OR4N2: variants seen among roughly 807,000 people sequenced by gnomAD.
OR4N2 encodes olfactory receptor 4N2.
For missense variants in OR4N2, 307 were observed against 377.6 expected (o/e 0.81, Z 1.55); for synonymous variants, 141 against 140.4 (o/e 1.00, Z -0.03).
rs756847662 is a variant in OR4N2, at chr14:19,828,365, T to C, written c.917T>C (p.Ile306Thr). Residue 306 changes from isoleucine (I) to threonine (T), a missense_variant, in exon 2 of 2, where the codon ATA (isoleucine) becomes ACA (threonine). By Grantham distance (89) the Ile-to-Thr change is moderately conservative. Transcript: ENST00000557677. ...ATGAAAAAGGTGTTTAATAAGCACA[T>C]AGCCTGAAAAAGGGCGCAAAAAAAA... ...ASMKKVFNKH[I>T]A The C allele has an allele frequency of 1.3e-6, 2 of 1,593,888 alleles. No homozygotes were observed. Among genetic ancestry groups the C allele is most frequent in the South Asian group, 1.1e-5 (1 of 88,466 alleles).
intron 1 of OR4N2, among the ~76,000 whole-genome samples, chr14:19,816,545 G>A (rs1456057423): frequency 6.6e-6 from 1 of 152,232 alleles, no homozygotes; most frequent in Non-Finnish European, 1.5e-5. Context: ...CATTGATTTT[G>A]TATCCCGAGA....
intron 1 of OR4N2, among the ~76,000 whole-genome samples, chr14:19,811,891 A>G (rs1413547005): frequency 6.6e-6 from 1 of 152,278 alleles, no homozygotes; most frequent in Non-Finnish European, 1.5e-5. Context: ...ATTAGGAAGA[A>G]TGCAAGTATA....
Position 19,828,030 on chromosome 14 carries a change from G to A in OR4N2, c.582G>A (p.Val194=), listed in dbSNP as rs753296685. ...VIKLACTDTF[V]VELLMVFNSG... ...AGCTGGCCTGCACCGACACATTTGT[G>A]GTGGAGCTTCTGATGGTCTTCAACA... Residue 194 remains valine, a synonymous_variant, in exon 2 of 2, where the codon GTG becomes GTA. Coordinates refer to ENST00000557677, the MANE Select transcript of OR4N2 (RefSeq NM_001004723.3). 1.2e-5 allele frequency: 20 copies of A among 1,614,192 alleles called. No individual in the cohort carries two copies. The Admixed American group carries it at 3.2e-4, about 26-fold the overall frequency.
intron 1 of OR4N2, among the ~76,000 whole-genome samples, chr14:19,805,905 A>G (rs1435628842): frequency 2.0e-5 from 3 of 152,192 alleles, no homozygotes; most frequent in Non-Finnish European, 2.9e-5. Context: ...GCCAGAAAAA[A>G]TTGGGGGCCT....
intron 1 of OR4N2, among the ~76,000 whole-genome samples, chr14:19,814,365 A>G (rs1879375111): frequency 6.6e-6 from 1 of 152,142 alleles, no homozygotes; most frequent in African/African-American, 2.4e-5. Flanking sequence ...CCAAGAAACT[A>G]TTTTCTCTAA....
intron 1 of OR4N2, among the ~76,000 whole-genome samples, chr14:19,808,032 C>T (rs1232307186): frequency 3.3e-5 from 5 of 152,172 alleles, no homozygotes; most frequent in Admixed American, 1.3e-4. Context: ...TAACATCCAA[C>T]ATCCCTTCAT....
intron 1 of OR4N2, among the ~76,000 whole-genome samples, chr14:19,813,958 C>T (rs193273639): frequency 8.6e-5 from 13 of 151,618 alleles, no homozygotes; most frequent in Non-Finnish European, 1.5e-5. Context: ...ACTTCTCTCT[C>T]TCTCTTTTCT....
intron 1 of OR4N2, among the ~76,000 whole-genome samples, chr14:19,821,063 G>A (rs1300291859): frequency 6.6e-6 from 1 of 152,270 alleles, no homozygotes; most frequent in African/African-American, 2.4e-5. Context: ...GGTGGTGTAG[G>A]CACCTGAGGG....
Position 19,827,668 on chromosome 14 carries a change from T to C in OR4N2, c.220T>C (p.Ser74Pro). 6.2e-7 allele frequency: 1 copy of C among 1,614,242 alleles called. No individual in the cohort carries two copies. The highest frequency in any genetic ancestry group is 8.5e-7 in the Non-Finnish European group (1 of 1,180,026). The change falls in exon 2 of 2, where the codon TCC (serine) becomes CCC (proline). Residue 74 changes from serine to proline, a missense_variant. Ser to Pro is a moderately conservative substitution (Grantham distance 74). Coordinates refer to ENST00000557677, the MANE Select transcript of OR4N2 (RefSeq NM_001004723.3). ...GNLAFLDASY[S>P]FIVAPRMLVD... ...CTTGGCCTTCCTGGATGCATCCTAC[T>C]CCTTCATTGTGGCTCCCCGGATGTT...
chr14:19,823,238 C>T (rs1415747921), intron 1 of OR4N2, among the ~76,000 whole-genome samples: 6 of 152,158 alleles, frequency 3.9e-5, no homozygotes, highest in East Asian at 1.9e-4. Flanking sequence ...TATTACATCC[C>T]TATTTTTGAA....
At chr14:19,815,218 C>T (rs1879394546) in intron 1 of OR4N2, among the ~76,000 whole-genome samples, 1 of 152,234 alleles carries the variant, frequency 6.6e-6, no homozygotes, top group African/African-American at 2.4e-5. Context: ...AATGGTATTT[C>T]TGGTTCTACA....
chr14:19,827,201 T>C (rs1426674351), intron 1 of OR4N2, among the ~76,000 whole-genome samples: 2 of 152,276 alleles, frequency 1.3e-5, no homozygotes, highest in Non-Finnish European at 2.9e-5. Context: ...AATGATTCTG[T>C]AGAAGCACAT....
At chr14:19,815,657 T>TTTTTTTTTTTTG (rs1879407275) in intron 1 of OR4N2, among the ~76,000 whole-genome samples, 1 of 36,232 alleles carries the variant, frequency 2.8e-5, no homozygotes, top group African/African-American at 7.2e-5. Flanking sequence ...TTTTTTTTGT[T>TTTTTTTTTTTTG]TTTTTTTTTT....
chr14:19,811,587 G>A (rs1879298527), intron 1 of OR4N2, among the ~76,000 whole-genome samples: 1 of 152,236 alleles, frequency 6.6e-6, no homozygotes, highest in Non-Finnish European at 1.5e-5. Context: ...ATCCGAACAT[G>A]ACAATACATA....
chr14:19,825,842 G>T (rs1879683589), intron 1 of OR4N2, among the ~76,000 whole-genome samples: 1 of 152,328 alleles, frequency 6.6e-6, no homozygotes, highest in African/African-American at 2.4e-5. Context: ...ACAGGCATGA[G>T]TCATCGTGCC....
Position 19,829,734 on chromosome 14 carries a change from T to A in OR4N2, c.*1362T>A, listed in dbSNP as rs1378265297. Reference sequence around the variant, plus strand: ...CATTAAATGGGCAGCATCCAAAACATCTGGAACCCCAAATGCAAGGGGGTC... The same window carrying A: ...CATTAAATGGGCAGCATCCAAAACAACTGGAACCCCAAATGCAAGGGGGTC... On this transcript the variant is annotated 3_prime_UTR_variant, in exon 2 of 2. Coordinates refer to ENST00000557677, the MANE Select transcript of OR4N2 (RefSeq NM_001004723.3). The A allele has an allele frequency of 2.0e-5, 3 of 152,318 alleles. No homozygotes were observed. The highest frequency in any genetic ancestry group is 4.4e-5 in the Non-Finnish European group (3 of 68,034). The allele number at this position is 152,318 out of a possible 1,614,324, so 9.4% of individuals were successfully genotyped here.
intron 1 of OR4N2, among the ~76,000 whole-genome samples, chr14:19,811,842 A>G (rs1459569940): frequency 1.3e-5 from 2 of 152,260 alleles, no homozygotes; most frequent in Non-Finnish European, 2.9e-5. Flanking sequence ...AGCAACCATT[A>G]TAACATATGA....
At chr14:19,811,526 G>A (rs1426112064) in intron 1 of OR4N2, among the ~76,000 whole-genome samples, 2 of 152,258 alleles carry the variant, frequency 1.3e-5, no homozygotes, top group South Asian at 2.1e-4. Flanking sequence ...GACTATAGGC[G>A]TGAGCCACCC....
intron 1 of OR4N2, among the ~76,000 whole-genome samples, chr14:19,813,317 GT>G (rs1392267327): frequency 1.3e-5 from 2 of 152,232 alleles, no homozygotes; most frequent in Non-Finnish European, 2.9e-5. Flanking sequence ...TTTGTAGACT[GT>G]GCATTTATAT....
Sources: allele counts gnomAD v4.1 joint callset (sites outside exome capture counted in the v4.1 genomes callset), GRCh38; gene constraint gnomAD v4.1.1; transcripts MANE v1.5; gene names NCBI Gene and HGNC (gene_info 2026-07-23, HGNC 2026-07-21).